The following WWOX variants were observed in gnomAD, a reference collection of about 807,000 sequenced individuals.
WWOX encodes the protein WW domain containing oxidoreductase.
In WWOX, 69 loss-of-function variants were observed where a neutral mutation model predicts 46.2. The observed-to-expected ratio is 1.49, with a 90% CI of 1.23 to 1.82. The LOEUF is 1.82. Among genes scored for constraint, WWOX ranks in the 40% most tolerant of loss-of-function variants. WWOX has a pLI of 0.00. For synonymous variants in WWOX, 359 were observed against 202.6 expected, an observed-to-expected ratio of 1.77 and a Z score of -6.56; for missense variants, 919 against 542.6, an observed-to-expected ratio of 1.69 and a Z score of -6.89.
In WWOX at chr16:78,157,938, A is replaced by G. The variant is rs116093957; in HGVS notation, c.410-6245A>G. Among the ~76,000 whole-genome samples, 593 of 152,342 alleles carry G rather than the reference A, an allele frequency of 3.9e-3. 4 individuals carry two copies. Among genetic ancestry groups the G allele is most frequent in the African/African-American group, 0.013 (545 of 41,574 alleles). ...AACTAACATTTGTTTTCCACCTACT[A>G]TGATTATGTTAGGCTCTCAATATAT... On this transcript the variant is annotated intron_variant, in intron 4 of 8. Transcript: ENST00000566780.
intron 8 of WWOX, among the ~76,000 whole-genome samples, chr16:78,634,070 T>A (rs976639709): frequency 5.3e-5 from 8 of 152,160 alleles, no homozygotes; most frequent in Non-Finnish European, 5.9e-5. Context: ...GTGAGCACTC[T>A]TGAACCCAGA....
intron 6 of WWOX, among the ~76,000 whole-genome samples, chr16:78,417,597 C>G (rs572422522): frequency 2.2e-4 from 33 of 152,340 alleles, no homozygotes; most frequent in African/African-American, 7.9e-4. Flanking sequence ...ATGTAAGTCT[C>G]TCTTCACTTT....
At chr16:78,817,747 C>A (rs2051376862) in intron 8 of WWOX, among the ~76,000 whole-genome samples, 1 of 152,144 alleles carries the variant, frequency 6.6e-6, no homozygotes, top group Admixed American at 6.5e-5. Context: ...GGGTCCCAGC[C>A]CTTTCTCTTC....
intron 8 of WWOX, among the ~76,000 whole-genome samples, chr16:78,988,045 AAG>A (rs1204409050): frequency 5.3e-5 from 8 of 151,946 alleles, no homozygotes; most frequent in Admixed American, 1.3e-4. Flanking sequence ...GGAAACATAA[AAG>A]AGAGCGAATT....
intron 4 of WWOX, among the ~76,000 whole-genome samples, chr16:78,162,539 CAT>C (rs779997893): frequency 2.6e-5 from 4 of 152,038 alleles, no homozygotes; most frequent in Non-Finnish European, 4.4e-5. Flanking sequence ...CACACACACA[CAT>C]ACATGTAGAC....
intron 8 of WWOX, among the ~76,000 whole-genome samples, chr16:79,037,826 G>C (rs963232526): frequency 6.6e-6 from 1 of 152,042 alleles, no homozygotes; most frequent in Non-Finnish European, 1.5e-5. Context: ...CTTTCTGCCA[G>C]AGGTCAGCAT....
At chr16:78,590,771 T>G (rs1480081745) in intron 8 of WWOX, among the ~76,000 whole-genome samples, 4 of 152,166 alleles carry the variant, frequency 2.6e-5, no homozygotes, top group Non-Finnish European at 5.9e-5. Flanking sequence ...TCTAATGGGC[T>G]TCATTTGCAA....
At position 78,337,756 on chromosome 16, in the gene WWOX, ACTCCAAGATGC is replaced by A. The variant is rs768332885; in HGVS notation, c.517-49098_517-49088del. On this transcript the variant is annotated intron_variant, in intron 5 of 8. Transcript: ENST00000566780. Reference sequence around the variant, plus strand: ...AGTGCTCAGAATGAAATATCCCTGTACTCCAAGATGCCTCCAGCAATTATAATTGAATCTTG... The same window carrying A: ...AGTGCTCAGAATGAAATATCCCTGTACTCCAGCAATTATAATTGAATCTTG... Among the ~76,000 whole-genome samples, 10 of 56,094 alleles carry A rather than the reference ACTCCAAGATGC, an allele frequency of 1.8e-4. 3 individuals are homozygous for A. The highest frequency in any genetic ancestry group is 5.1e-4 in the Non-Finnish European group (9 of 17,564). 36.8% of individuals were successfully genotyped at this position (56,094 alleles called of 152,430 possible).
At chr16:78,375,035 G>C (rs895585691) in intron 5 of WWOX, among the ~76,000 whole-genome samples, 1 of 152,120 alleles carries the variant, frequency 6.6e-6, no homozygotes, top group Admixed American at 6.5e-5. Flanking sequence ...AAACCACTGC[G>C]AGGCAGATAC....
intron 8 of WWOX, among the ~76,000 whole-genome samples, chr16:78,741,354 A>T (rs1256055480): frequency 6.6e-6 from 1 of 152,178 alleles, no homozygotes; most frequent in Non-Finnish European, 1.5e-5. Flanking sequence ...TGAGGTCAGG[A>T]GATCGAGATC....
chr16:79,198,185 A>G lies in WWOX; in HGVS notation c.1057-13423A>G, dbSNP rs150967732. Among the ~76,000 whole-genome samples the G allele has an allele frequency of 1.0e-3, 155 of 152,038 alleles. 1 individual carries two copies. The highest frequency in any genetic ancestry group is 3.6e-3 in the African/African-American group (150 of 41,498). On this transcript the variant is annotated intron_variant, in intron 8 of 8. Transcript: ENST00000566780. ...ACTAAAAAAAAAAACAAAAACCACA[A>G]AAATTAGCTGGGCATGGTGGCATGT...
At chr16:78,909,728 C>T (rs779493170) in intron 8 of WWOX, among the ~76,000 whole-genome samples, 117 of 152,288 alleles carry the variant, frequency 7.7e-4, no homozygotes, top group Admixed American at 1.2e-3. Context: ...AAACCATATG[C>T]ATCGTATTTT....
chr16:78,735,575 A>G (rs1041767047), intron 8 of WWOX, among the ~76,000 whole-genome samples: 9 of 152,208 alleles, frequency 5.9e-5, no homozygotes, highest in African/African-American at 1.9e-4. Flanking sequence ...GCATACCTGC[A>G]CAAGTCAACT....
chr16:79,019,190 A>AAGAC (rs2047481207), intron 8 of WWOX, among the ~76,000 whole-genome samples: 1 of 149,190 alleles, frequency 6.7e-6, no homozygotes, highest in African/African-American at 2.5e-5. Flanking sequence ...AAAAAAGAAA[A>AAGAC]AAAAAAGTTG....
chr16:79,181,328 A>G (rs567027390), intron 8 of WWOX, among the ~76,000 whole-genome samples: 157 of 152,364 alleles, frequency 1.0e-3, no homozygotes, highest in Non-Finnish European at 1.5e-3. Context: ...AATTAAATCA[A>G]TCATTCCTCT....
intron 8 of WWOX, among the ~76,000 whole-genome samples, chr16:78,830,779 C>T (rs1036101800): frequency 1.3e-5 from 2 of 151,732 alleles, no homozygotes; most frequent in Admixed American, 6.6e-5. Flanking sequence ...GCTCAGGGCC[C>T]CCTGGGAGTC....
At chr16:78,585,186 T>A (rs1440283559) in intron 8 of WWOX, among the ~76,000 whole-genome samples, 3 of 152,230 alleles carry the variant, frequency 2.0e-5, no homozygotes, top group Non-Finnish European at 4.4e-5. Context: ...GGGCTATTTC[T>A]GACCACAGGA....
At chr16:79,116,511 A>G (rs1384561573) in intron 8 of WWOX, among the ~76,000 whole-genome samples, 1 of 152,174 alleles carries the variant, frequency 6.6e-6, no homozygotes, top group Non-Finnish European at 1.5e-5. Flanking sequence ...CATTGCAAGA[A>G]ATCACTTTCT....
chr16:78,882,860 C>A (rs1388882841), intron 8 of WWOX, among the ~76,000 whole-genome samples: 1 of 151,144 alleles, frequency 6.6e-6, no homozygotes, highest in Non-Finnish European at 1.5e-5. Flanking sequence ...ATGCATTTAG[C>A]AAAGACTTCC....
Sources: gnomAD v4.1 joint callset for allele counts (sites outside exome capture counted in the v4.1 genomes callset) on GRCh38, gnomAD v4.1.1 for gene constraint, MANE v1.5 for transcripts, NCBI Gene and HGNC (gene_info 2026-07-23, HGNC 2026-07-21) for gene names.